IHO1: variants seen among roughly 807,000 people sequenced by gnomAD.
IHO1 encodes the protein interactor of HORMAD1 1, also known as interactor of HORMAD1 protein 1.
Under a neutral mutation model 31.0 loss-of-function variants are expected in IHO1, and 13 were observed. That is an observed-to-expected ratio of 0.42 (90% confidence interval 0.27 to 0.67). The LOEUF is 0.67. IHO1 is among the 30% of genes least tolerant of loss of function. The probability of loss-of-function intolerance (pLI) is 0.24; values close to 1 mark genes in which losing one functional copy is unlikely to be tolerated. For synonymous variants in IHO1, 221 were observed against 248.4 expected (o/e 0.89, Z 1.04); for missense variants, 599 against 687.5 (o/e 0.87, Z 1.44).
At chr3:49,245,406 T>G (rs2046682573) in intron 6 of IHO1, 1 of 152,392 alleles carries the variant, frequency 6.6e-6, no homozygotes, top group African/African-American at 2.4e-5. Flanking sequence ...CAGGATGGTC[T>G]CCATCTCCTG....
chr3:49,252,841 G>A (rs753735319), intron 6 of IHO1, among the ~76,000 whole-genome samples: 12 of 151,496 alleles, frequency 7.9e-5, no homozygotes, highest in Middle Eastern at 3.4e-3. Flanking sequence ...TCAAGAGATC[G>A]AGATCATCCT....
chr3:49,217,481 G>C (rs1205899404), intron 2 of IHO1, among the ~76,000 whole-genome samples: 1 of 139,362 alleles, frequency 7.2e-6, no homozygotes, highest in African/African-American at 2.7e-5. Flanking sequence ...CACCAGGCTG[G>C]TTGGGGGGTG....
Position 49,250,279 on chromosome 3 carries a change from T to C in IHO1, c.533-5111T>C, listed in dbSNP as rs367781272. ...CAATGTATGCCTTTTTATACTATTA[T>C]GGTTTTCAGTTATTTTCATAACTAA... On this transcript the variant is annotated intron_variant, in intron 6 of 7. Coordinates refer to ENST00000452691, the MANE Select transcript of IHO1 (RefSeq NM_001135197.2). 1.9e-4 allele frequency among the ~76,000 whole-genome samples: 29 copies of C among 152,328 alleles called. No individual in the cohort carries two copies. In the East Asian group the frequency reaches 4.2e-3, roughly 22 times the overall value.
At chr3:49,228,218 C>G (rs890058061) in intron 2 of IHO1, 10 of 374,922 alleles carry the variant, frequency 2.7e-5, no homozygotes, top group African/African-American at 2.1e-4. Context: ...GGTCAACCAA[C>G]TTGTTGTCGG....
rs1291645565 is a variant in IHO1 at position 49,241,403 on chromosome 3, T to G, written c.395+14T>G. ...CAAATGTGACAGGTATGTAAACCTT[T>G]CAAATGGATGAAAGAACTCACCTTT... On this transcript the variant is annotated intron_variant, in intron 4 of 7. Coordinates refer to ENST00000452691, the MANE Select transcript of IHO1 (RefSeq NM_001135197.2). The G allele has an allele frequency of 6.3e-7, 1 of 1,581,780 alleles. No homozygotes were observed. Among genetic ancestry groups the G allele is most frequent in the Non-Finnish European group, 8.6e-7 (1 of 1,166,050 alleles).
At chr3:49,207,209 C>T (rs2046149907) in intron 1 of IHO1, among the ~76,000 whole-genome samples, 1 of 151,468 alleles carries the variant, frequency 6.6e-6, no homozygotes, top group Non-Finnish European at 1.5e-5. Flanking sequence ...ATGCATCAGC[C>T]AGCCCTGTGT....
chr3:49,255,642 C>A (rs1046897187), intron 7 of IHO1, 149 bp downstream of exon 7: 2 of 518,882 alleles, frequency 3.9e-6, no homozygotes, highest in Admixed American at 3.8e-5. Context: ...CTCCGCCTCC[C>A]ATGTTCAAGC....
chr3:49,238,449 A>G (rs1276501526), intron 3 of IHO1, among the ~76,000 whole-genome samples: 1 of 152,172 alleles, frequency 6.6e-6, no homozygotes, highest in African/African-American at 2.4e-5. Flanking sequence ...TTCGCATCCA[A>G]AAGGCTGAGA....
chr3:49,237,507 G>A (rs1187409533), intron 3 of IHO1, among the ~76,000 whole-genome samples: 1 of 152,094 alleles, frequency 6.6e-6, no homozygotes, highest in Admixed American at 6.6e-5. Context: ...TGACTTAATA[G>A]TCTGAAATGG....
At chr3:49,244,763 G>T in intron 6 of IHO1, 30 bp downstream of exon 6, 2 of 1,559,880 alleles carry the variant, frequency 1.3e-6, no homozygotes, top group Non-Finnish European at 8.8e-7. Flanking sequence ...GGTATCAGCA[G>T]AGGGCACTGG....
intron 1 of IHO1, among the ~76,000 whole-genome samples, chr3:49,211,165 G>A (rs1010142195): frequency 2.7e-5 from 4 of 150,194 alleles, no homozygotes; most frequent in Non-Finnish European, 4.4e-5. Flanking sequence ...CCACCACCAC[G>A]CCTGGCTAAT....
At chr3:49,223,155 G>T (rs1419104870) in intron 2 of IHO1, among the ~76,000 whole-genome samples, 1 of 152,198 alleles carries the variant, frequency 6.6e-6, no homozygotes, top group Non-Finnish European at 1.5e-5. Flanking sequence ...ATAAAAGGTT[G>T]TCCATACAGC....
At chr3:49,233,276 G>A (rs958722184) in intron 2 of IHO1, among the ~76,000 whole-genome samples, 1 of 152,164 alleles carries the variant, frequency 6.6e-6, no homozygotes, top group East Asian at 1.9e-4. Flanking sequence ...ACCCTCAAAT[G>A]TTATGGCCTG....
At chr3:49,252,421 CT>C (rs1033129180) in intron 6 of IHO1, among the ~76,000 whole-genome samples, 1 of 151,252 alleles carries the variant, frequency 6.6e-6, no homozygotes, top group East Asian at 1.9e-4. Flanking sequence ...TTTTTCTTTT[CT>C]TTTTTTTTAT....
At chr3:49,225,907 G>T (rs1476223897) in intron 2 of IHO1, among the ~76,000 whole-genome samples, 3 of 151,842 alleles carry the variant, frequency 2.0e-5, no homozygotes, top group African/African-American at 7.3e-5. Context: ...GACATGAGCT[G>T]GCGCTTGCCC....
intron 2 of IHO1, among the ~76,000 whole-genome samples, chr3:49,226,767 AGG>A (rs936123548): frequency 9.8e-5 from 15 of 152,310 alleles, no homozygotes; most frequent in African/African-American, 3.4e-4. Flanking sequence ...AGAGAGATCG[AGG>A]GTCTGCCCTA....
At chr3:49,202,849 G>GTT (rs1359304599) in intron 1 of IHO1, among the ~76,000 whole-genome samples, 1 of 110,404 alleles carries the variant, frequency 9.1e-6, no homozygotes, top group Non-Finnish European at 2.0e-5. Flanking sequence ...CTAATTTTTT[G>GTT]TATTTTTTTT....
the IHO1 span, among the ~76,000 whole-genome samples, chr3:49,193,254 C>A: frequency 7.9e-5 from 12 of 151,680 alleles, no homozygotes; most frequent in Admixed American, 6.6e-5. Flanking sequence ...CGCCTGCGGT[C>A]CCAGCTACTT....
intron 6 of IHO1, among the ~76,000 whole-genome samples, chr3:49,246,909 C>T (rs779470073): frequency 8.0e-5 from 12 of 150,702 alleles, no homozygotes; most frequent in East Asian, 2.0e-4. Flanking sequence ...GGCTGGAGTG[C>T]GATGGCGCGA....
Sources: allele counts gnomAD v4.1 joint callset (sites outside exome capture counted in the v4.1 genomes callset), GRCh38; gene constraint gnomAD v4.1.1; transcripts MANE v1.5; gene names NCBI Gene and HGNC (gene_info 2026-07-23, HGNC 2026-07-21).